HIVEP1: variants seen among roughly 807,000 people sequenced by gnomAD.
HIVEP1 encodes the protein zinc finger protein 40.
Under a neutral mutation model 180.0 loss-of-function variants are expected in HIVEP1, and 36 were observed. That is an observed-to-expected ratio of 0.20 (90% CI 0.15 to 0.26). The LOEUF is 0.26. Among genes scored for constraint, HIVEP1 ranks in the 10% least tolerant of loss-of-function variants. The probability of loss-of-function intolerance (pLI) is 1.00; values close to 1 mark genes in which losing one functional copy is unlikely to be tolerated. For synonymous variants in HIVEP1, 1,239 were observed against 1,239.0 expected, an observed-to-expected ratio of 1.00 and a Z score of 0.00; for missense variants, 3,143 against 3,268.7, an observed-to-expected ratio of 0.96 and a Z score of 0.94.
chr6:12,108,250 G>A (rs999793176), intron 3 of HIVEP1, among the ~76,000 whole-genome samples: 1 of 152,338 alleles, frequency 6.6e-6, no homozygotes, highest in East Asian at 1.9e-4. Context: ...AGTGCCGATT[G>A]GTGTATTTAC....
chr6:12,126,944 C>A (rs532842758), intron 4 of HIVEP1, among the ~76,000 whole-genome samples: 2 of 152,024 alleles, frequency 1.3e-5, no homozygotes, highest in Admixed American at 1.3e-4. Flanking sequence ...TTGCATCCTC[C>A]CCTCCCGGGT....
chr6:12,164,684 A>G lies in HIVEP1; in HGVS notation c.*223A>G, dbSNP rs1760641760. Reference sequence around the variant, plus strand: ...TAGGAGCTTTATGTTTAGAAACTGTACAGATTGTTGAATATCTATATACAT... The same window carrying G: ...TAGGAGCTTTATGTTTAGAAACTGTGCAGATTGTTGAATATCTATATACAT... On this transcript the variant is annotated 3_prime_UTR_variant, in exon 9 of 9. Transcript: ENST00000379388. 1 of 429,760 alleles carries G rather than the reference A, an allele frequency of 2.3e-6. No individual in the cohort carries two copies. The allele number at this position is 429,760 out of a possible 1,614,324, so 26.6% of individuals were successfully genotyped here.
At chr6:12,144,751 C>A (rs969154327) in intron 7 of HIVEP1, among the ~76,000 whole-genome samples, 1 of 152,118 alleles carries the variant, frequency 6.6e-6, no homozygotes, top group African/African-American at 2.4e-5. Flanking sequence ...ATTTATGCAG[C>A]CAACAGACAC....
At chr6:12,106,599 G>A (rs1774447915) in intron 3 of HIVEP1, among the ~76,000 whole-genome samples, 1 of 152,114 alleles carries the variant, frequency 6.6e-6, no homozygotes, top group Non-Finnish European at 1.5e-5. Flanking sequence ...CTTCTGTTAG[G>A]TATAATAGAT....
At chr6:12,108,379 A>G (rs1294314763) in intron 3 of HIVEP1, among the ~76,000 whole-genome samples, 3 of 152,228 alleles carry the variant, frequency 2.0e-5, no homozygotes, top group East Asian at 3.9e-4. Flanking sequence ...AGTCCCGTGC[A>G]CTGCGCCCGC....
intron 2 of HIVEP1, among the ~76,000 whole-genome samples, chr6:12,048,305 T>C (rs1231804631): frequency 6.6e-6 from 1 of 152,202 alleles, no homozygotes; most frequent in African/African-American, 2.4e-5. Flanking sequence ...ACCTTCTTGC[T>C]CCTTTAGATA....
At chr6:12,013,684 T>C (rs926075647) in intron 1 of HIVEP1, among the ~76,000 whole-genome samples, 2 of 152,258 alleles carry the variant, frequency 1.3e-5, no homozygotes, top group East Asian at 3.8e-4. Context: ...ATTTATTTGG[T>C]TCAGCTGTGT....
At chr6:12,148,944 C>T (rs574862525) in intron 7 of HIVEP1, among the ~76,000 whole-genome samples, 59 of 152,284 alleles carry the variant, frequency 3.9e-4, no homozygotes, top group Admixed American at 1.8e-3. Context: ...TTATAGATGA[C>T]TATTAGATAA....
chr6:12,020,332 G>A (rs1179740091), intron 2 of HIVEP1: 1 of 471,226 alleles, frequency 2.1e-6, no homozygotes, highest in Non-Finnish European at 4.4e-6. Flanking sequence ...AGCACTTGGT[G>A]TTCAGAAGAA....
the HIVEP1 span, among the ~76,000 whole-genome samples, chr6:12,206,630 C>G: frequency 0.015 from 2,286 of 152,236 alleles, 66 homozygotes; most frequent in African/African-American, 0.052. Context: ...TTTTAGATTT[C>G]TAGGCTCCAG....
intron 2 of HIVEP1, among the ~76,000 whole-genome samples, chr6:12,023,443 T>C (rs1450131124): frequency 6.6e-6 from 1 of 152,086 alleles, no homozygotes; most frequent in African/African-American, 2.4e-5. Context: ...AAATCAAAAA[T>C]CTTGTAGTGG....
intron 2 of HIVEP1, among the ~76,000 whole-genome samples, chr6:12,025,308 AT>A (rs910770380): frequency 1.9e-4 from 28 of 150,666 alleles, no homozygotes; most frequent in African/African-American, 3.2e-4. Context: ...AATTTGAAGG[AT>A]TTTTTTTTTC....
At position 12,078,481 on chromosome 6, in the gene HIVEP1, G is replaced by C. The variant is rs1043000018; in HGVS notation, c.41-10703G>C. Among the ~76,000 whole-genome samples, 4 of 151,994 alleles carry C rather than the reference G, an allele frequency of 2.6e-5. No individual in the cohort carries two copies. The East Asian group carries it at 5.8e-4, about 22-fold the overall frequency. ...GTTCCTGGTCTGCAGTGAGCTAAAT[G>C]CACAAGGCCCAGGAAGGGGAGCGGC... On this transcript the variant is annotated intron_variant, in intron 2 of 8. Coordinates refer to ENST00000379388, the MANE Select transcript of HIVEP1 (RefSeq NM_002114.4).
Position 12,122,108 on chromosome 6 carries a change from A to G in HIVEP1, c.2313A>G (p.Arg771=). The G allele has an allele frequency of 6.2e-7, 1 of 1,614,206 alleles. No homozygotes were observed. Among genetic ancestry groups the G allele is most frequent in the Non-Finnish European group, 8.5e-7 (1 of 1,180,022 alleles). Residue 771 remains arginine, a synonymous_variant, in exon 4 of 9, where the codon AGA becomes AGG. Coordinates refer to ENST00000379388, the MANE Select transcript of HIVEP1 (RefSeq NM_002114.4). ...DKQLDSVKPR[R]TSLSRRGSID... ...AACTGGATAGTGTGAAGCCGCGGAG[A>G]ACCTCACTGTCAAGACGAGGAAGCA...
chr6:12,210,785 T>A, the HIVEP1 span, among the ~76,000 whole-genome samples: 8 of 152,156 alleles, frequency 5.3e-5, no homozygotes, highest in African/African-American at 1.9e-4. Context: ...TCCTCATCAG[T>A]CTTTCTACAG....
chr6:12,182,594 A>G, the HIVEP1 span, among the ~76,000 whole-genome samples: 6 of 152,310 alleles, frequency 3.9e-5, no homozygotes, highest in African/African-American at 1.4e-4. Flanking sequence ...GAGAGGAAAG[A>G]TGATGTGACA....
chr6:12,024,683 A>G (rs1289708905), intron 2 of HIVEP1, among the ~76,000 whole-genome samples: 1 of 152,238 alleles, frequency 6.6e-6, no homozygotes, highest in Admixed American at 6.5e-5. Context: ...TCCAGATGGA[A>G]ATAGGTTAAA....
chr6:12,068,029 T>G (rs555307542), intron 2 of HIVEP1, among the ~76,000 whole-genome samples: 4 of 152,318 alleles, frequency 2.6e-5, no homozygotes, highest in African/African-American at 7.2e-5. Flanking sequence ...GTGAGGGGGC[T>G]GTGCTTTAGA....
At chr6:12,200,112 C>A in the HIVEP1 span, among the ~76,000 whole-genome samples, 1 of 152,174 alleles carries the variant, frequency 6.6e-6, no homozygotes, top group African/African-American at 2.4e-5. Context: ...AGAGGCTGGG[C>A]TCAGACACCG....
Sources: allele counts gnomAD v4.1 joint callset (sites outside exome capture counted in the v4.1 genomes callset), GRCh38; gene constraint gnomAD v4.1.1; transcripts MANE v1.5; gene names NCBI Gene and HGNC (gene_info 2026-07-23, HGNC 2026-07-21).